ALG5: variants seen among roughly 807,000 people sequenced by gnomAD.
ALG5 encodes the protein ALG5 dolichyl-phosphate beta-glucosyltransferase.
Under a neutral mutation model 51.8 loss-of-function variants are expected in ALG5, and 26 were observed. The ratio of observed to expected loss-of-function variants is 0.50; its 90% CI spans 0.37 to 0.70. The LOEUF is 0.70. Among genes scored for constraint, ALG5 ranks in the 30% least tolerant of loss-of-function variants. The pLI is 0.00. For missense variants in ALG5, 311 were observed against 399.3 expected (o/e 0.78, Z 1.88); for synonymous variants, 141 against 136.1 (o/e 1.04, Z -0.25).
chr13:36,957,519 A>G lies in ALG5; in HGVS notation c.774-4920T>C, dbSNP rs182577746. On this transcript the variant is annotated intron_variant, in intron 8 of 9. Transcript: ENST00000239891. Reference sequence around the variant, plus strand: ...AGGCGTTAGGCATACAATATCACTTACACTGCGCCTGGAGGCCACAATCCT... The same window carrying G: ...AGGCGTTAGGCATACAATATCACTTGCACTGCGCCTGGAGGCCACAATCCT... Among the ~76,000 whole-genome samples the G allele has an allele frequency of 2.6e-3, 389 of 152,268 alleles. 3 individuals are homozygous for G. Among genetic ancestry groups the G allele is most frequent in the African/African-American group, 8.9e-3 (368 of 41,536 alleles).
At chr13:36,983,824 G>A (rs1322140121) in intron 6 of ALG5, among the ~76,000 whole-genome samples, 2 of 151,978 alleles carry the variant, frequency 1.3e-5, no homozygotes, top group African/African-American at 4.8e-5. Context: ...AAGGGATGGG[G>A]ATGGATGATG....
chr13:36,991,783 A>G (rs1003215293), intron 4 of ALG5, among the ~76,000 whole-genome samples: 1 of 152,074 alleles, frequency 6.6e-6, no homozygotes, highest in Non-Finnish European at 1.5e-5. Flanking sequence ...TTTTTGACAC[A>G]GGGTCTTGCT....
intron 1 of ALG5, among the ~76,000 whole-genome samples, chr13:36,998,283 C>T (rs1323779595): frequency 3.9e-5 from 6 of 152,170 alleles, no homozygotes; most frequent in African/African-American, 1.4e-4. Context: ...GAAATCTCTA[C>T]TAGTTAGGGC....
chr13:36,959,641 A>G (rs1383117747), intron 8 of ALG5, among the ~76,000 whole-genome samples: 3 of 152,194 alleles, frequency 2.0e-5, no homozygotes, highest in Non-Finnish European at 4.4e-5. Context: ...ACTCCTTCAC[A>G]GAAGTATGGA....
chr13:36,950,090 C>T, intron 9 of ALG5, 33 bp from the exon 10 acceptor site: 1 of 1,328,532 alleles, frequency 7.5e-7, no homozygotes, highest in Middle Eastern at 1.8e-4. Flanking sequence ...AACAAATTAG[C>T]TTAAATAAAC....
chr13:36,992,464 G>A (rs899576377), intron 4 of ALG5, among the ~76,000 whole-genome samples: 6 of 152,170 alleles, frequency 3.9e-5, no homozygotes. Flanking sequence ...AGGATGAAAA[G>A]CTCCCTCTAG....
intron 6 of ALG5, among the ~76,000 whole-genome samples, chr13:36,981,289 G>T (rs761578535): frequency 2.6e-5 from 4 of 151,920 alleles, no homozygotes; most frequent in East Asian, 1.9e-4. Flanking sequence ...ACGTACTAAA[G>T]AAATGACTTA....
chr13:36,952,852 A>G, intron 8 of ALG5: 1 of 248,432 alleles, frequency 4.0e-6, no homozygotes, highest in Non-Finnish European at 7.6e-6. Context: ...AGGTAAAACT[A>G]GCCTCATGGG....
At chr13:36,979,185 T>C (rs1476552736) in intron 6 of ALG5, among the ~76,000 whole-genome samples, 3 of 151,940 alleles carry the variant, frequency 2.0e-5, no homozygotes, top group Non-Finnish European at 4.4e-5. Context: ...CATGGCTAAG[T>C]TTTTGTATTT....
chr13:36,967,826 A>T, intron 7 of ALG5: 1 of 1,211,476 alleles, frequency 8.3e-7, no homozygotes, highest in Non-Finnish European at 1.1e-6. Context: ...AGGAACAAAT[A>T]GAAATTGAAA....
At chr13:36,973,305 A>G (rs907075956) in intron 6 of ALG5, among the ~76,000 whole-genome samples, 2 of 152,190 alleles carry the variant, frequency 1.3e-5, no homozygotes, top group Admixed American at 1.3e-4. Context: ...TTCCATGGAC[A>G]GAATGAAAAG....
intron 8 of ALG5, among the ~76,000 whole-genome samples, chr13:36,962,383 G>A (rs960792652): frequency 6.6e-6 from 1 of 152,154 alleles, no homozygotes; most frequent in African/African-American, 2.4e-5. Flanking sequence ...GCTGATACAT[G>A]TATACTTGGT....
At chr13:36,991,053 T>G (rs1174054748) in intron 4 of ALG5, among the ~76,000 whole-genome samples, 1 of 152,238 alleles carries the variant, frequency 6.6e-6, no homozygotes, top group Non-Finnish European at 1.5e-5. Context: ...GAGTTCCTTA[T>G]CATAGCATAG....
chr13:36,979,653 T>G (rs2058970397), intron 6 of ALG5, among the ~76,000 whole-genome samples: 1 of 152,230 alleles, frequency 6.6e-6, no homozygotes, highest in Admixed American at 6.5e-5. Flanking sequence ...CCTATGGTTC[T>G]TCTTAATGTA....
chr13:36,985,614 T>C lies in ALG5; in HGVS notation c.561+13A>G, dbSNP rs200890394. 7 of 1,592,498 alleles carry C rather than the reference T, an allele frequency of 4.4e-6. No homozygotes were observed. Among genetic ancestry groups the C allele is most frequent in the East Asian group, 2.2e-5 (1 of 44,730 alleles). ...TTGACTGAATGTTATTTAAACTACA[T>C]TCTTATACTCACAGGCCAAGGCTGT... is the stretch of plus-strand genomic sequence containing the variant. On this transcript the variant is annotated intron_variant, in intron 6 of 9. Transcript: ENST00000239891.
intron 8 of ALG5, among the ~76,000 whole-genome samples, chr13:36,965,309 G>GA (rs2058887990): frequency 6.6e-6 from 1 of 151,720 alleles, no homozygotes; most frequent in Admixed American, 6.6e-5. Context: ...TTCTTCAAAG[G>GA]AAAAAAAATG....
Position 36,993,592 on chromosome 13 carries a change from AAGTGTATTTACCTTTG to A in ALG5, c.350_354+11del, listed in dbSNP as rs1441046990. 3 of 1,606,654 alleles carry A rather than the reference AAGTGTATTTACCTTTG, an allele frequency of 1.9e-6. No individual in the cohort carries two copies. The highest frequency in any genetic ancestry group is 2.6e-6 in the Non-Finnish European group (3 of 1,173,542). On this transcript the variant is annotated splice_donor_variant and splice_donor_5th_base_variant and coding_sequence_variant and intron_variant, in exon 4 of 10. Coordinates refer to ENST00000239891, the MANE Select transcript of ALG5 (RefSeq NM_013338.5). LOFTEE classifies it high-confidence loss of function. ...TCTAACTATTGTCAATTCTAAAAGC[AAGTGTATTTACCTTTG>A]AGGTCTGATCTTTACTGCCATCATC...
intron 5 of ALG5, among the ~76,000 whole-genome samples, chr13:36,986,504 C>T (rs1455360102): frequency 6.6e-6 from 1 of 152,152 alleles, no homozygotes; most frequent in Non-Finnish European, 1.5e-5. Flanking sequence ...GCTTTGATAA[C>T]ACAACATAGT....
intron 8 of ALG5, among the ~76,000 whole-genome samples, chr13:36,959,428 CATA>C (rs1401089211): frequency 1.3e-5 from 2 of 152,160 alleles, no homozygotes; most frequent in South Asian, 2.1e-4. Flanking sequence ...ATTCATAAAT[CATA>C]ATATCACTTT....
Sources: gnomAD v4.1 joint callset for allele counts (sites outside exome capture counted in the v4.1 genomes callset) on GRCh38, gnomAD v4.1.1 for gene constraint, MANE v1.5 for transcripts, NCBI Gene and HGNC (gene_info 2026-07-23, HGNC 2026-07-21) for gene names.